Variants in HDAC9 observed in about 807,000 individuals in gnomAD.
HDAC9 encodes MEF-2 interacting transcription repressor (MITR) protein.
HDAC9 carries 41 observed loss-of-function variants against 139.4 expected under a neutral mutation model. The observed-to-expected ratio is 0.29, with a 90% CI of 0.23 to 0.38. The LOEUF (loss-of-function observed/expected upper bound fraction) is 0.38, where lower values mean the gene tolerates loss of function less well. Ranked by LOEUF, HDAC9 falls within the 10% of genes least tolerant of loss-of-function variation. The probability of loss-of-function intolerance (pLI) is 1.00; values close to 1 mark genes in which losing one functional copy is unlikely to be tolerated. For synonymous variants in HDAC9, 517 were observed against 476.2 expected (o/e 1.09, Z -1.12); for missense variants, 1,147 against 1,297.0 (o/e 0.88, Z 1.78).
chr7:18,635,940 A>G (rs371950729), intron 8 of HDAC9, among the ~76,000 whole-genome samples: 79 of 152,214 alleles, frequency 5.2e-4, no homozygotes, highest in African/African-American at 1.8e-3. Context: ...GTAATTTCAT[A>G]TATTTTATAC....
chr7:18,690,445 A>G (rs1387041638), intron 12 of HDAC9, among the ~76,000 whole-genome samples: 2 of 152,014 alleles, frequency 1.3e-5, no homozygotes, highest in Admixed American at 1.3e-4. Context: ...GTCTGTGAGC[A>G]TAACTTTTTT....
At position 18,986,867 on chromosome 7, in the gene HDAC9, T is replaced by C. The variant is rs1020996583; in HGVS notation, c.3171-9156T>C. ...GGGAGTTCACTCATGATTTGGCTGT[T>C]TGTCTGTTGTTGGTGTATAAGAATG... On this transcript the variant is annotated intron_variant, in intron 25 of 25. Transcript: ENST00000686413. Among the ~76,000 whole-genome samples the C allele has an allele frequency of 1.2e-4, 18 of 152,060 alleles. No homozygotes were observed. The South Asian group carries it at 2.9e-3, about 25-fold the overall frequency.
At chr7:18,865,126 C>A (rs1436886853) in intron 21 of HDAC9, among the ~76,000 whole-genome samples, 1 of 152,118 alleles carries the variant, frequency 6.6e-6, no homozygotes, top group Non-Finnish European at 1.5e-5. Context: ...ACATGTTAAG[C>A]TGGCCGGCTG....
At chr7:18,963,628 G>A (rs995710946) in intron 24 of HDAC9, among the ~76,000 whole-genome samples, 2 of 152,002 alleles carry the variant, frequency 1.3e-5, no homozygotes, top group African/African-American at 4.8e-5. Flanking sequence ...ACTTCTTCAT[G>A]GAAACCCACT....
chr7:18,686,167 G>A (rs117219378), intron 12 of HDAC9, among the ~76,000 whole-genome samples: 606 of 151,988 alleles, frequency 4.0e-3, no homozygotes, highest in Non-Finnish European at 6.5e-3. Context: ...CAGACACTCA[G>A]GTCTGACTCA....
intron 12 of HDAC9, among the ~76,000 whole-genome samples, chr7:18,718,029 G>A (rs936306826): frequency 1.1e-4 from 16 of 151,872 alleles, no homozygotes; most frequent in Admixed American, 4.6e-4. Flanking sequence ...GTGGTTTTTC[G>A]TATAGTCACT....
chr7:18,397,046 C>A (rs564600852), intron 1 of HDAC9, among the ~76,000 whole-genome samples: 1 of 151,854 alleles, frequency 6.6e-6, no homozygotes, highest in East Asian at 1.9e-4. Flanking sequence ...AGATCATCGT[C>A]GACTCCTATC....
chr7:18,506,672 G>GA (rs1324281093), intron 2 of HDAC9, among the ~76,000 whole-genome samples: 3 of 151,640 alleles, frequency 2.0e-5, no homozygotes, highest in Admixed American at 1.3e-4. Context: ...ATAAGTATGG[G>GA]AAAAAGGCAA....
intron 1 of HDAC9, among the ~76,000 whole-genome samples, chr7:18,123,512 A>C (rs1784478854): frequency 6.6e-6 from 1 of 152,196 alleles, no homozygotes; most frequent in South Asian, 2.1e-4. Flanking sequence ...CACGGGGCCC[A>C]CACAACATAT....
At chr7:18,562,527 T>A (rs1820936318) in intron 2 of HDAC9, among the ~76,000 whole-genome samples, 1 of 152,152 alleles carries the variant, frequency 6.6e-6, no homozygotes, top group Non-Finnish European at 1.5e-5. Context: ...ATTTTCCCCA[T>A]TGAAATAACA....
chr7:18,176,625 A>C (rs1027428622), intron 2 of HDAC9, among the ~76,000 whole-genome samples: 7 of 152,208 alleles, frequency 4.6e-5, no homozygotes, highest in Admixed American at 3.9e-4. Context: ...GTATACAGCT[A>C]TGAAAATTCT....
At chr7:18,437,056 G>A (rs1015557565) in intron 1 of HDAC9, among the ~76,000 whole-genome samples, 5 of 152,152 alleles carry the variant, frequency 3.3e-5, no homozygotes, top group Non-Finnish European at 7.3e-5. Flanking sequence ...TTTCCTCACA[G>A]CACTAGCAGT....
chr7:18,385,395 A>G (rs1785824177), intron 1 of HDAC9, among the ~76,000 whole-genome samples: 1 of 152,184 alleles, frequency 6.6e-6, no homozygotes, highest in Admixed American at 6.5e-5. Flanking sequence ...AAGTTGCCTT[A>G]GTATGCTAGT....
intron 12 of HDAC9, among the ~76,000 whole-genome samples, chr7:18,677,483 C>T (rs1045711850): frequency 4.0e-5 from 6 of 151,844 alleles, no homozygotes; most frequent in African/African-American, 1.4e-4. Flanking sequence ...TATTTTATTT[C>T]GTTTGAGTAA....
At chr7:18,927,493 A>G (rs1163978602) in intron 22 of HDAC9, among the ~76,000 whole-genome samples, 1 of 152,196 alleles carries the variant, frequency 6.6e-6, no homozygotes, top group Non-Finnish European at 1.5e-5. Context: ...GAAAATGGCT[A>G]CAGTTTTTAT....
At chr7:18,869,481 A>G (rs1440773613) in intron 21 of HDAC9, among the ~76,000 whole-genome samples, 1 of 152,088 alleles carries the variant, frequency 6.6e-6, no homozygotes, top group Non-Finnish European at 1.5e-5. Context: ...AGATGCCAGC[A>G]TCATGCTTCC....
At chr7:18,746,956 G>A (rs938482883) in intron 13 of HDAC9, among the ~76,000 whole-genome samples, 2 of 152,144 alleles carry the variant, frequency 1.3e-5, no homozygotes, top group Non-Finnish European at 2.9e-5. Context: ...CTTGGTAGAG[G>A]AGGTGACATT....
intron 1 of HDAC9, among the ~76,000 whole-genome samples, chr7:18,139,286 T>G (rs1290155995): frequency 6.6e-6 from 1 of 151,932 alleles, no homozygotes; most frequent in Non-Finnish European, 1.5e-5. Flanking sequence ...TCACCACGAC[T>G]GGCTAATTTT....
intron 16 of HDAC9, among the ~76,000 whole-genome samples, chr7:18,784,768 G>A (rs1358370427): frequency 6.6e-6 from 1 of 152,032 alleles, no homozygotes; most frequent in African/African-American, 2.4e-5. Context: ...CAATTAGAAG[G>A]GTGGGTTACT....
Sources: gnomAD v4.1 joint callset for allele counts (sites outside exome capture counted in the v4.1 genomes callset) on GRCh38, gnomAD v4.1.1 for gene constraint, MANE v1.5 for transcripts, NCBI Gene and HGNC (gene_info 2026-07-23, HGNC 2026-07-21) for gene names.